Variants in EDIL3 observed in about 807,000 individuals in gnomAD.
EDIL3 encodes EGF-like repeat and discoidin I-like domain-containing protein 3.
In EDIL3, 37 loss-of-function variants were observed where a neutral mutation model predicts 67.4. The ratio of observed to expected loss-of-function variants is 0.55; its 90% CI spans 0.42 to 0.72. The LOEUF is 0.72. Among genes scored for constraint, EDIL3 ranks in the 30% least tolerant of loss-of-function variants. The pLI is 0.00. For missense variants in EDIL3, 527 were observed against 586.3 expected, an observed-to-expected ratio of 0.90 and a Z score of 1.04; for synonymous variants, 195 against 196.3, an observed-to-expected ratio of 0.99 and a Z score of 0.05.
chr5:84,297,924 G>T (rs1416658254), intron 1 of EDIL3, among the ~76,000 whole-genome samples: 1 of 152,114 alleles, frequency 6.6e-6, no homozygotes, highest in Non-Finnish European at 1.5e-5. Flanking sequence ...TTTATGCCCT[G>T]GGCTTAGATT....
rs959422282 is a variant in EDIL3, at chr5:83,957,355, G to A, written c.1293+5850C>T. Among the ~76,000 whole-genome samples, 7 of 151,576 alleles carry A rather than the reference G, an allele frequency of 4.6e-5. No homozygotes were observed. In the East Asian group the frequency reaches 7.8e-4, roughly 17 times the overall value. On this transcript the variant is annotated intron_variant, in intron 10 of 10. Coordinates refer to ENST00000296591, the MANE Select transcript of EDIL3 (RefSeq NM_005711.5). ...CCCTAAGGGATTCTTCAGGTTCTAAGTTTCTCACCCAGATCAAATTTCAAA... is the reference window on the plus strand; with the variant it reads ...CCCTAAGGGATTCTTCAGGTTCTAAATTTCTCACCCAGATCAAATTTCAAA...
In EDIL3 at chr5:83,942,176, T is replaced by G. The variant is rs1357690964; in HGVS notation, c.*1243A>C. The G allele has an allele frequency of 6.6e-6, 1 of 152,066 alleles. No homozygotes were observed. The highest frequency in any genetic ancestry group is 1.5e-5 in the Non-Finnish European group (1 of 67,944). The allele number at this position is 152,066 out of a possible 1,614,324, so 9.4% of individuals were successfully genotyped here. ...AGAGACATGTCAATGAAACCTCCAGTATCAATAACAAATTGTTATGATAAT... is the reference window on the plus strand; with the variant it reads ...AGAGACATGTCAATGAAACCTCCAGGATCAATAACAAATTGTTATGATAAT... On this transcript the variant is annotated 3_prime_UTR_variant, in exon 11 of 11. Transcript: ENST00000296591.
chr5:84,176,208 T>TATATATATATATATATATATATA (rs1466999470), intron 4 of EDIL3, among the ~76,000 whole-genome samples: 1 of 32,982 alleles, frequency 3.0e-5, no homozygotes, highest in African/African-American at 8.7e-5. Context: ...AATATATATA[T>TATATATATATATATATATATATA]ATATATATAT....
chr5:84,133,362 C>T (rs1010533081), intron 5 of EDIL3, among the ~76,000 whole-genome samples: 1 of 150,764 alleles, frequency 6.6e-6, no homozygotes, highest in Non-Finnish European at 1.5e-5. Flanking sequence ...GTAGCTCATG[C>T]CTGTAATCCC....
intron 8 of EDIL3, among the ~76,000 whole-genome samples, chr5:84,064,014 C>A (rs540289496): frequency 6.6e-6 from 1 of 152,208 alleles, no homozygotes; most frequent in Admixed American, 6.5e-5. Flanking sequence ...AAGATTCACA[C>A]ATTAAGTCCT....
intron 4 of EDIL3, among the ~76,000 whole-genome samples, chr5:84,143,157 C>T (rs190127841): frequency 4.7e-4 from 72 of 152,138 alleles, no homozygotes; most frequent in African/African-American, 1.7e-3. Context: ...GATTCTCCCA[C>T]TCAGATGCTG....
chr5:84,376,414 C>T (rs1404774920), intron 1 of EDIL3, among the ~76,000 whole-genome samples: 2 of 152,142 alleles, frequency 1.3e-5, no homozygotes, highest in Admixed American at 1.3e-4. Flanking sequence ...TCAGAAATGT[C>T]AGAACCTTGC....
chr5:84,326,698 T>C (rs1746763938), intron 1 of EDIL3, among the ~76,000 whole-genome samples: 1 of 152,030 alleles, frequency 6.6e-6, no homozygotes, highest in African/African-American at 2.4e-5. Flanking sequence ...TATATCCAAA[T>C]GTGATTCTTG....
At chr5:84,010,604 T>C (rs1745500549) in intron 9 of EDIL3, among the ~76,000 whole-genome samples, 1 of 152,194 alleles carries the variant, frequency 6.6e-6, no homozygotes. Flanking sequence ...TGTTATTTAA[T>C]GTGCATAATA....
At chr5:84,320,833 G>C (rs1746623451) in intron 1 of EDIL3, among the ~76,000 whole-genome samples, 1 of 152,032 alleles carries the variant, frequency 6.6e-6, no homozygotes, top group South Asian at 2.1e-4. Flanking sequence ...AGGAAGAAAA[G>C]TTAAGGCAGT....
chr5:84,247,140 G>C (rs1744923775), intron 2 of EDIL3, among the ~76,000 whole-genome samples: 1 of 152,050 alleles, frequency 6.6e-6, no homozygotes, highest in African/African-American at 2.4e-5. Flanking sequence ...GTGAAACATA[G>C]CTCTCATTAT....
intron 4 of EDIL3, among the ~76,000 whole-genome samples, chr5:84,141,905 T>TCATATATATATATATATACA (rs1283948991): frequency 2.0e-5 from 2 of 98,674 alleles, no homozygotes; most frequent in South Asian, 7.0e-4. Flanking sequence ...GACAAACTAC[T>TCATATATATATATATATACA]CATATATATA....
intron 4 of EDIL3, among the ~76,000 whole-genome samples, chr5:84,144,737 T>A (rs1356128205): frequency 1.3e-5 from 2 of 152,140 alleles, no homozygotes; most frequent in African/African-American, 4.8e-5. Flanking sequence ...ATTTCCTGGT[T>A]TCCTATTTTT....
rs910759734 is a variant in EDIL3, at chr5:84,355,978, T to C, written c.67+28330A>G. Among the ~76,000 whole-genome samples, 15 of 152,070 alleles carry C rather than the reference T, an allele frequency of 9.9e-5. 1 individual carries two copies. The highest frequency in any genetic ancestry group is 3.6e-4 in the African/African-American group (15 of 41,484). Reference sequence around the variant, plus strand: ...GCTGCTGCCTTTCATTCCGTTAAAGTGAATGCTATGAATATATGGATCTCT... The same window carrying C: ...GCTGCTGCCTTTCATTCCGTTAAAGCGAATGCTATGAATATATGGATCTCT... On this transcript the variant is annotated intron_variant, in intron 1 of 10. Coordinates refer to ENST00000296591, the MANE Select transcript of EDIL3 (RefSeq NM_005711.5).
At chr5:84,145,824 G>A (rs1036016651) in intron 4 of EDIL3, among the ~76,000 whole-genome samples, 1 of 228 alleles carries the variant, frequency 4.4e-3, no homozygotes, top group Admixed American at 0.045. Context: ...AAATTTACCT[G>A]GGCACATTTA....
intron 6 of EDIL3, among the ~76,000 whole-genome samples, chr5:84,100,100 A>G (rs929519772): frequency 1.4e-4 from 21 of 152,150 alleles, no homozygotes; most frequent in African/African-American, 4.8e-4. Flanking sequence ...GGATGTGGAG[A>G]AATAGGAACA....
At chr5:84,266,263 T>C (rs1411338960) in intron 1 of EDIL3, among the ~76,000 whole-genome samples, 1 of 152,130 alleles carries the variant, frequency 6.6e-6, no homozygotes, top group Non-Finnish European at 1.5e-5. Flanking sequence ...TGGTATTCAG[T>C]CTCTGTATCC....
intron 9 of EDIL3, among the ~76,000 whole-genome samples, chr5:83,963,596 C>T (rs1744642561): frequency 6.6e-6 from 1 of 150,604 alleles, no homozygotes; most frequent in South Asian, 2.1e-4. Context: ...GAAGTCAAAT[C>T]ATGGTGATTT....
rs148014729 is a variant in EDIL3, at chr5:84,206,457, C to T, written c.226+23398G>A. The stretch of plus-strand genomic sequence containing the variant: ...CTTGGTGCAGAGCTGAGTTCAATTC[C>T]TGGGTATCCTTAAGGAGGAACTGGT... On this transcript the variant is annotated intron_variant, in intron 3 of 10. Transcript: ENST00000296591. 6.8e-3 allele frequency among the ~76,000 whole-genome samples: 1,033 copies of T among 152,172 alleles called. 10 individuals carry two copies. The highest frequency in any genetic ancestry group is 0.023 in the African/African-American group (967 of 41,496).
Sources: allele counts gnomAD v4.1 joint callset (sites outside exome capture counted in the v4.1 genomes callset), GRCh38; gene constraint gnomAD v4.1.1; transcripts MANE v1.5; gene names NCBI Gene and HGNC (gene_info 2026-07-23, HGNC 2026-07-21).